The following AGBL1 variants were observed in gnomAD, a reference collection of about 807,000 sequenced individuals.
AGBL1 encodes the protein cytosolic carboxypeptidase 4.
Under a neutral mutation model 118.9 loss-of-function variants are expected in AGBL1, and 130 were observed. The ratio of observed to expected loss-of-function variants is 1.09; its 90% CI spans 0.95 to 1.26. The LOEUF (loss-of-function observed/expected upper bound fraction) is 1.26. Ranked by LOEUF, AGBL1 falls within the 50% of genes most tolerant of loss-of-function variation. The pLI is 0.00. For synonymous variants in AGBL1, 555 were observed against 478.9 expected (o/e 1.16, Z -2.08); for missense variants, 1,584 against 1,298.1 (o/e 1.22, Z -3.38).
In AGBL1 at chr15:86,179,828, T is replaced by A. The variant is rs138347167; in HGVS notation, c.488+20802T>A. Among the ~76,000 whole-genome samples, 89 of 152,220 alleles carry A rather than the reference T, an allele frequency of 5.8e-4. No individual in the cohort carries two copies. The East Asian group carries it at 0.016, about 27-fold the overall frequency. On this transcript the variant is annotated intron_variant, in intron 5 of 22. Transcript: ENST00000614907. ...TCTATACACAAAAAATTACAAGAAC[T>A]AATAAGTGAGTTTACCAAGGTTCCA... is the stretch of plus-strand genomic sequence containing the variant.
chr15:86,660,230 G>A (rs1033758348), intron 21 of AGBL1, among the ~76,000 whole-genome samples: 2 of 151,990 alleles, frequency 1.3e-5, no homozygotes, highest in African/African-American at 4.8e-5. Flanking sequence ...ATCTACAGGG[G>A]CCGATTGACC....
intron 22 of AGBL1, among the ~76,000 whole-genome samples, chr15:86,840,502 A>G (rs2079229724): frequency 1.3e-5 from 2 of 151,980 alleles, no homozygotes; most frequent in African/African-American, 2.4e-5. Flanking sequence ...CTGGAGTGCA[A>G]TGGCATGATC....
At chr15:87,028,696 G>A in intron 24 of AGBL1, 1 of 766,668 alleles carries the variant, frequency 1.3e-6, no homozygotes, top group East Asian at 2.7e-5. Flanking sequence ...AAGTATGATT[G>A]TTTATAATCC....
chr15:86,770,002 A>G (rs2078152493), intron 22 of AGBL1, among the ~76,000 whole-genome samples: 1 of 152,026 alleles, frequency 6.6e-6, no homozygotes, highest in African/African-American at 2.4e-5. Flanking sequence ...AAAGGCTCTT[A>G]CTTTAATCCT....
At chr15:86,416,797 T>C (rs1379804896) in intron 18 of AGBL1, among the ~76,000 whole-genome samples, 2 of 152,202 alleles carry the variant, frequency 1.3e-5, no homozygotes, top group East Asian at 3.8e-4. Flanking sequence ...AGAATCATTT[T>C]GTTCAACCTA....
intron 22 of AGBL1, among the ~76,000 whole-genome samples, chr15:86,773,989 G>T (rs1169466410): frequency 2.0e-5 from 3 of 152,092 alleles, no homozygotes; most frequent in Non-Finnish European, 4.4e-5. Context: ...GGATGTGGGT[G>T]TCGGCAAGCC....
chr15:86,622,725 A>G (rs895745433), intron 21 of AGBL1, among the ~76,000 whole-genome samples: 22 of 152,038 alleles, frequency 1.4e-4, no homozygotes, highest in African/African-American at 4.6e-4. Flanking sequence ...ACAGAGGACA[A>G]TTTTTCCACA....
intron 18 of AGBL1, among the ~76,000 whole-genome samples, chr15:86,467,089 G>A (rs1399965902): frequency 6.6e-6 from 1 of 152,220 alleles, no homozygotes. Context: ...CTTTCCCTCA[G>A]GGGGTCTCTC....
chr15:86,122,697 G>A (rs964164922), intron 1 of AGBL1, among the ~76,000 whole-genome samples: 1 of 152,306 alleles, frequency 6.6e-6, no homozygotes, highest in South Asian at 2.1e-4. Flanking sequence ...TGAAAAAAAG[G>A]TGTAAACCAA....
intron 17 of AGBL1, among the ~76,000 whole-genome samples, chr15:86,388,453 A>T (rs954773700): frequency 6.6e-6 from 1 of 152,184 alleles, no homozygotes; most frequent in Non-Finnish European, 1.5e-5. Context: ...CCTGTTTCAC[A>T]TTGCCATTGA....
chr15:86,138,784 C>A lies in AGBL1; in HGVS notation c.52-3220C>A, dbSNP rs557252007. Reference sequence around the variant, plus strand: ...CTTCAGCATTTTAAAATTTACCCAACATTTGCACAGCCTTTCCAAAGGCTT... The same window carrying A: ...CTTCAGCATTTTAAAATTTACCCAAAATTTGCACAGCCTTTCCAAAGGCTT... On this transcript the variant is annotated intron_variant, in intron 1 of 22. Coordinates refer to ENST00000614907, the MANE Select transcript of AGBL1 (RefSeq NM_001386094.1). Among the ~76,000 whole-genome samples, 63 of 152,284 alleles carry A rather than the reference C, an allele frequency of 4.1e-4. 1 individual carries two copies. The South Asian group carries it at 9.1e-3, about 22-fold the overall frequency.
intron 18 of AGBL1, among the ~76,000 whole-genome samples, chr15:86,460,777 C>T (rs2082325310): frequency 6.6e-6 from 1 of 152,174 alleles, no homozygotes; most frequent in Admixed American, 6.5e-5. Context: ...TTCCTAGTTC[C>T]TTTAGTGCTG....
chr15:86,741,559 C>A (rs1045826904), intron 22 of AGBL1, among the ~76,000 whole-genome samples: 1 of 151,916 alleles, frequency 6.6e-6, no homozygotes, highest in Non-Finnish European at 1.5e-5. Context: ...AAGTCTTGAA[C>A]TATAAGACAT....
At chr15:86,628,723 G>A (rs894263810) in intron 21 of AGBL1, among the ~76,000 whole-genome samples, 6 of 152,056 alleles carry the variant, frequency 3.9e-5, no homozygotes, top group African/African-American at 1.4e-4. Flanking sequence ...ATGAACCCGG[G>A]AGGCGGAGCT....
intron 22 of AGBL1, among the ~76,000 whole-genome samples, chr15:86,778,702 ATTG>A (rs1304016780): frequency 6.6e-6 from 1 of 152,122 alleles, no homozygotes; most frequent in Non-Finnish European, 1.5e-5. Context: ...CAGATTTCAT[ATTG>A]TTCAAACACA....
intron 17 of AGBL1, among the ~76,000 whole-genome samples, chr15:86,302,512 C>G (rs989347993): frequency 3.3e-5 from 5 of 152,060 alleles, no homozygotes; most frequent in Middle Eastern, 3.4e-3. Context: ...TGTGGTGGCT[C>G]ATGCCTGTAA....
At chr15:86,887,181 G>A (rs1481968176) in intron 22 of AGBL1, among the ~76,000 whole-genome samples, 1 of 152,146 alleles carries the variant, frequency 6.6e-6, no homozygotes, top group Admixed American at 6.5e-5. Flanking sequence ...AGGTATATGT[G>A]TAAAGATATA....
chr15:86,159,802 CATCTCAGCGTCA>C (rs536963918), intron 5 of AGBL1, among the ~76,000 whole-genome samples: 227 of 152,218 alleles, frequency 1.5e-3, no homozygotes, highest in Admixed American at 2.9e-3. Context: ...ATATTTTCTG[CATCTCAGCGTCA>C]ATCTTAGCCT....
At chr15:86,770,663 A>T (rs1461911297) in intron 22 of AGBL1, among the ~76,000 whole-genome samples, 1 of 151,834 alleles carries the variant, frequency 6.6e-6, no homozygotes, top group African/African-American at 2.4e-5. Flanking sequence ...TTTAAAGGAC[A>T]ATTAGGAGTT....
Sources: allele counts gnomAD v4.1 joint callset (sites outside exome capture counted in the v4.1 genomes callset), GRCh38; gene constraint gnomAD v4.1.1; transcripts MANE v1.5; gene names NCBI Gene and HGNC (gene_info 2026-07-23, HGNC 2026-07-21).